Variants in ACAD9 observed in about 807,000 individuals in gnomAD.
ACAD9 encodes the protein acyl-CoA dehydrogenase family member 9, also known as complex I assembly factor ACAD9, mitochondrial.
ACAD9 carries 53 observed loss-of-function variants against 70.2 expected under a neutral mutation model. That is an observed-to-expected ratio of 0.75 (90% CI 0.61 to 0.95). The LOEUF (loss-of-function observed/expected upper bound fraction) is 0.95, where lower values mean the gene tolerates loss of function less well. Among genes scored for constraint, ACAD9 ranks in the 40% least tolerant of loss-of-function variants. The pLI is 0.00. For synonymous variants in ACAD9, 313 were observed against 312.1 expected (o/e 1.00, Z -0.03); for missense variants, 777 against 802.8 (o/e 0.97, Z 0.39).
At chr3:128,892,084 T>G (rs1935437015) in intron 2 of ACAD9, among the ~76,000 whole-genome samples, 1 of 152,190 alleles carries the variant, frequency 6.6e-6, no homozygotes, top group Non-Finnish European at 1.5e-5. Context: ...AACTTGAAGA[T>G]GCAAACTGAT....
In ACAD9 at chr3:128,906,261, C is replaced by T. The variant is rs758072748; in HGVS notation, c.1278+12C>T. 13 of 1,613,714 alleles carry T rather than the reference C, an allele frequency of 8.1e-6. No homozygotes were observed. Among genetic ancestry groups the T allele is most frequent in the East Asian group, 4.5e-5 (2 of 44,888 alleles). On this transcript the variant is annotated intron_variant, in intron 12 of 17. Coordinates refer to ENST00000308982, the MANE Select transcript of ACAD9 (RefSeq NM_014049.5). ...TCCTCATCTTCGAGGTGAGTGGCCC[C>T]GCCACCAGCTAAGCTGTGCTCCACC... is the stretch of plus-strand genomic sequence containing the variant.
intron 2 of ACAD9, among the ~76,000 whole-genome samples, chr3:128,891,762 T>A (rs985336935): frequency 6.6e-6 from 1 of 152,264 alleles, no homozygotes; most frequent in African/African-American, 2.4e-5. Context: ...GCTTCCATTC[T>A]TTGTTCCTTT....
At position 128,893,580 on chromosome 3, in the gene ACAD9, A is replaced by G; in HGVS notation, c.270A>G (p.Glu90=). ...EEVDSRKIDQ[E]GKIPDETLEK... ...TGGACTCCCGAAAAATTGACCAGGA[A>G]GGGAAAATCCCAGATGAAACTTTGG... The change falls in exon 3 of 18, where the codon GAA becomes GAG. Residue 90 remains glutamate, a synonymous_variant. Transcript: ENST00000308982. 1 of 1,614,174 alleles carries G rather than the reference A, an allele frequency of 6.2e-7. No individual in the cohort carries two copies. The highest frequency in any genetic ancestry group is 1.1e-5 in the South Asian group (1 of 91,082).
rs764679450 is a variant in ACAD9, at chr3:128,902,568, C to G, written c.898C>G (p.Leu300Val). 2 of 1,614,218 alleles carry G rather than the reference C, an allele frequency of 1.2e-6. No individual in the cohort carries two copies. The highest frequency in any genetic ancestry group is 3.3e-5 in the Admixed American group (2 of 60,032). Residue 300 changes from leucine to valine, a missense_variant, in exon 9 of 18, where the codon CTC becomes GTC. Transcript: ENST00000308982. The surrounding 1 kb of genome is among the most constrained non-coding windows in gnomAD (Gnocchi z 4.0). ...CTCCCTGCAGGTGGCCATGAACATC[C>G]TCAACAGCGGCCGGTTCAGCATGGG... Reference protein sequence around the residue: ...GDGFKVAMNILNSGRFSMGSV... With the variant: ...GDGFKVAMNIVNSGRFSMGSV...
chr3:128,907,477 G>GC (rs1330603180), intron 12 of ACAD9, among the ~76,000 whole-genome samples: 2 of 152,156 alleles, frequency 1.3e-5, no homozygotes, highest in Non-Finnish European at 2.9e-5. Flanking sequence ...TAGGGTGAGA[G>GC]CTCCTGTCTG....
At chr3:128,912,406 G>C (rs1053811318) in intron 17 of ACAD9, 101 bp from the exon 18 acceptor site, 20 of 1,014,446 alleles carry the variant, frequency 2.0e-5, no homozygotes, top group Non-Finnish European at 3.0e-5. Flanking sequence ...GCTGCTTCAT[G>C]GTGGGTGGGC....
At chr3:128,906,748 A>T (rs1935904556) in intron 12 of ACAD9, among the ~76,000 whole-genome samples, 1 of 152,146 alleles carries the variant, frequency 6.6e-6, no homozygotes, top group Admixed American at 6.6e-5. Flanking sequence ...GAGAGAGTGA[A>T]GGGCTTTCTG....
chr3:128,899,523 GGTGTGTGTGTGTGTGTGTGTGTGT>G (rs63473460), intron 7 of ACAD9, 62 bp downstream of exon 7: 38 of 1,067,770 alleles, frequency 3.6e-5, no homozygotes, highest in East Asian at 1.1e-4. Context: ...GGCCTTTGAC[GGTGTGTGTGTGTGTGTGTGTGTGT>G]GTGTGTGTGT....
chr3:128,906,811 G>C (rs1935905823), intron 12 of ACAD9, among the ~76,000 whole-genome samples: 2 of 152,170 alleles, frequency 1.3e-5, no homozygotes, highest in Admixed American at 1.3e-4. Flanking sequence ...GGGTTTGGGG[G>C]TGTTGAAGAA....
intron 12 of ACAD9, among the ~76,000 whole-genome samples, chr3:128,907,310 G>T (rs1239239646): frequency 6.6e-6 from 1 of 152,142 alleles, no homozygotes; most frequent in Non-Finnish European, 1.5e-5. Flanking sequence ...ACGGGGCAAG[G>T]GCCAGCCTGA....
intron 7 of ACAD9, 62 bp downstream of exon 7, chr3:128,899,523 GGTGTGTGTGTGTGTGTGTGTGT>G (rs63473460): frequency 9.3e-5 from 99 of 1,068,850 alleles, no homozygotes; most frequent in Middle Eastern, 2.7e-4. Context: ...GGCCTTTGAC[GGTGTGTGTGTGTGTGTGTGTGT>G]GTGTGTGTGT....
At chr3:128,887,638 T>TAAAA (rs1935290183) in intron 2 of ACAD9, among the ~76,000 whole-genome samples, 1 of 92,318 alleles carries the variant, frequency 1.1e-5, no homozygotes, top group Admixed American at 1.1e-4. Flanking sequence ...AATAAAAAAA[T>TAAAA]AAATAAATAT....
At chr3:128,886,664 C>T (rs1266383138) in intron 2 of ACAD9, among the ~76,000 whole-genome samples, 7 of 119,678 alleles carry the variant, frequency 5.8e-5, no homozygotes, top group East Asian at 6.0e-4. Context: ...GCCGAGATCG[C>T]GCCACTGCAC....
In ACAD9 at chr3:128,904,090, G is replaced by A; in HGVS notation, c.987G>A (p.Arg329=). The A allele has an allele frequency of 6.2e-7, 1 of 1,614,222 alleles. No individual in the cohort carries two copies. The highest frequency in any genetic ancestry group is 8.5e-7 in the Non-Finnish European group (1 of 1,180,044). The change falls in exon 10 of 18, where the codon AGG becomes AGA. Residue 329 remains arginine, a synonymous_variant. Transcript: ENST00000308982. Reference sequence around the variant, plus strand: ...TGACTGCTGAGTACGCCTGCACAAGGAAACAGTTTAACAAGAGGCTCAGTG... The same window carrying A: ...TGACTGCTGAGTACGCCTGCACAAGAAAACAGTTTAACAAGAGGCTCAGTG... ...IEMTAEYACT[R]KQFNKRLSEF... is the part of the protein sequence containing the mutation.
chr3:128,886,749 A>G (rs1935262260), intron 2 of ACAD9, among the ~76,000 whole-genome samples: 1 of 151,668 alleles, frequency 6.6e-6, no homozygotes, highest in South Asian at 2.1e-4. Flanking sequence ...AAAAAAAAAA[A>G]GAAAAAAATT....
chr3:128,879,940 CAG>C lies in ACAD9; in HGVS notation c.150+105_150+106del, dbSNP rs1935037714. The C allele has an allele frequency of 2.5e-6, 4 of 1,593,104 alleles. No individual in the cohort carries two copies. In the African/African-American group the frequency reaches 5.4e-5, roughly 21 times the overall value. On this transcript the variant is annotated intron_variant, in intron 1 of 17. Transcript: ENST00000308982. ...ACTTTGTGAGATTCCCCAAACCTGC[CAG>C]AGAGATACACCCTGCGGCCGAGGCG...
At chr3:128,908,704 G>T in intron 13 of ACAD9, 1 of 569,608 alleles carries the variant, frequency 1.8e-6, no homozygotes, top group South Asian at 2.0e-5. Flanking sequence ...CAGGTTGCTA[G>T]TAGCATTTTG....
At position 128,909,382 on chromosome 3, in the gene ACAD9, C is replaced by T. The variant is rs373984574; in HGVS notation, c.1524C>T (p.Phe508=). ...AGTTTGAGGAGAACACCTACTGCTT[C>T]GGCCGGACCGTGGAGACACTGCTGC... ...ANKFEENTYC[F]GRTVETLLLR... The change falls in exon 15 of 18, where the codon TTC becomes TTT. Residue 508 remains phenylalanine, a synonymous_variant. Transcript: ENST00000308982. 1.1e-5 allele frequency: 17 copies of T among 1,614,060 alleles called. No individual in the cohort carries two copies. The highest frequency in any genetic ancestry group is 3.3e-5 in the Admixed American group (2 of 60,006).
chr3:128,890,139 T>C (rs978989306), intron 2 of ACAD9, among the ~76,000 whole-genome samples: 7 of 151,914 alleles, frequency 4.6e-5, no homozygotes, highest in African/African-American at 1.4e-4. Context: ...ATTTCCTTTT[T>C]TTTTGAGATG....
Sources: allele counts gnomAD v4.1 joint callset (sites outside exome capture counted in the v4.1 genomes callset), GRCh38; gene constraint gnomAD v4.1.1; non-coding constraint Gnocchi (gnomAD v3.1); transcripts MANE v1.5; gene names NCBI Gene and HGNC (gene_info 2026-07-23, HGNC 2026-07-21).